RYR2: variants seen among roughly 807,000 people sequenced by gnomAD.
The protein encoded by RYR2 is cardiac muscle ryanodine receptor-calcium release channel.
A neutral mutation model predicts 601.1 loss-of-function variants in RYR2; 227 were observed. That is an observed-to-expected ratio of 0.38 (90% CI 0.34 to 0.42). The LOEUF is 0.42. RYR2 is among the 10% of genes least tolerant of loss of function. The probability of loss-of-function intolerance (pLI) is 1.00; values close to 1 mark genes in which losing one functional copy is unlikely to be tolerated. For synonymous variants in RYR2, 2,223 were observed against 2,175.1 expected (o/e 1.02, Z -0.61); for missense variants, 4,646 against 6,156.5 (o/e 0.75, Z 8.21).
Position 237,825,324 on chromosome 1 carries a change from C to A in RYR2, c.14591-3057C>A, listed in dbSNP as rs979928374. On this transcript the variant is annotated intron_variant, in intron 101 of 104. Transcript: ENST00000366574. ...ATTGGTATGAAAACAGATATATAGA[C>A]CAATGGAACAAAACAGAGGCCTCAG... Among the ~76,000 whole-genome samples, 70 of 152,178 alleles carry A rather than the reference C, an allele frequency of 4.6e-4. 1 individual carries two copies. Among genetic ancestry groups the A allele is most frequent in the Middle Eastern group, 3.4e-3 (1 of 294 alleles).
intron 32 of RYR2, among the ~76,000 whole-genome samples, chr1:237,593,216 A>G (rs371047763): frequency 2.0e-5 from 3 of 152,316 alleles, no homozygotes; most frequent in African/African-American, 7.2e-5. Context: ...GACTTAAATC[A>G]TTTAGCATGT....
intron 3 of RYR2, among the ~76,000 whole-genome samples, chr1:237,351,854 CAAAAAAAAAAA>C (rs33955032): frequency 4.9e-5 from 2 of 40,930 alleles, no homozygotes; most frequent in South Asian, 1.6e-3. Context: ...AAAGACCATG[CAAAAAAAAAAA>C]AAAAAAAAAA....
chr1:237,310,154 G>C (rs560686623), intron 2 of RYR2, among the ~76,000 whole-genome samples: 3 of 152,170 alleles, frequency 2.0e-5, no homozygotes, highest in Non-Finnish European at 4.4e-5. Flanking sequence ...CTGCCAGCAC[G>C]CTGTCACCTC....
chr1:237,640,336 C>T (rs1156520449), intron 46 of RYR2, among the ~76,000 whole-genome samples: 1 of 152,148 alleles, frequency 6.6e-6, no homozygotes. Flanking sequence ...ATTATATTTT[C>T]CCTGCAGAGA....
intron 5 of RYR2, among the ~76,000 whole-genome samples, chr1:237,368,588 T>C (rs533305679): frequency 5.3e-5 from 8 of 152,268 alleles, no homozygotes; most frequent in African/African-American, 1.7e-4. Context: ...TCTCTGTGTC[T>C]ACCCCAGACC....
intron 12 of RYR2, among the ~76,000 whole-genome samples, chr1:237,426,400 G>A (rs1287650864): frequency 6.6e-6 from 1 of 152,072 alleles, no homozygotes; most frequent in Admixed American, 6.6e-5. Context: ...CCTTGTCTCT[G>A]TAACTGGAAA....
intron 16 of RYR2, among the ~76,000 whole-genome samples, chr1:237,460,470 C>T (rs1480648547): frequency 6.6e-6 from 1 of 152,180 alleles, no homozygotes; most frequent in East Asian, 1.9e-4. Flanking sequence ...CTGAAGTGTC[C>T]ATCCCAAATG....
intron 1 of RYR2, among the ~76,000 whole-genome samples, chr1:237,250,628 C>T (rs2149271163): frequency 6.6e-6 from 1 of 152,272 alleles, no homozygotes; most frequent in Middle Eastern, 3.4e-3. Context: ...ACTGAGAAAA[C>T]AGAAGCAGTT....
chr1:237,327,522 T>C (rs1156324052), intron 2 of RYR2, among the ~76,000 whole-genome samples: 2 of 152,230 alleles, frequency 1.3e-5, no homozygotes, highest in African/African-American at 4.8e-5. Context: ...TATGAAGTTT[T>C]AAATGTTACC....
Position 237,651,509 on chromosome 1 carries a change from TA to T in RYR2, c.7824+9del. On this transcript the variant is annotated intron_variant, in intron 51 of 104. Coordinates refer to ENST00000366574, the MANE Select transcript of RYR2 (RefSeq NM_001035.3). ...GCAAAGATGCCTCTTAAAGTAAGTA[TA>T]GGAAATGTTTGTAGATATTTGATTA... 1 of 1,498,572 alleles carries T rather than the reference TA, an allele frequency of 6.7e-7. No homozygotes were observed. The highest frequency in any genetic ancestry group is 9.1e-7 in the Non-Finnish European group (1 of 1,094,504). The allele number at this position is 1,498,572 out of a possible 1,614,324, so 92.8% of individuals were successfully genotyped here.
Position 237,640,401 on chromosome 1 carries a change from G to A in RYR2, c.7116-496G>A, listed in dbSNP as rs551798644. ...GATTCTTTGGCAGGGGTTGCAGGAGGTTGAGTAGTTGGTACAGAGGTAGGT... is the reference window on the plus strand; with the variant it reads ...GATTCTTTGGCAGGGGTTGCAGGAGATTGAGTAGTTGGTACAGAGGTAGGT... On this transcript the variant is annotated intron_variant, in intron 46 of 104. Coordinates refer to ENST00000366574, the MANE Select transcript of RYR2 (RefSeq NM_001035.3). Among the ~76,000 whole-genome samples the A allele has an allele frequency of 7.2e-5, 11 of 152,338 alleles. No individual in the cohort carries two copies. In the East Asian group the frequency reaches 2.1e-3, roughly 29 times the overall value.
chr1:237,453,684 G>T (rs1413092979), intron 14 of RYR2, among the ~76,000 whole-genome samples: 1 of 151,922 alleles, frequency 6.6e-6, no homozygotes, highest in South Asian at 2.1e-4. Flanking sequence ...AAATACTTTT[G>T]ATCTGTAGAC....
intron 47 of RYR2, among the ~76,000 whole-genome samples, chr1:237,641,477 C>CTTTCTTTCTTTCTTTCTT (rs1553264955): frequency 1.5e-3 from 41 of 27,544 alleles, no homozygotes; most frequent in Non-Finnish European, 4.9e-3. Flanking sequence ...GTCTGTCTTT[C>CTTTCTTTCTTTCTTTCTT]TTTCTTTCTT....
chr1:237,561,513 G>C (rs1462338757), intron 27 of RYR2, among the ~76,000 whole-genome samples: 1 of 152,156 alleles, frequency 6.6e-6, no homozygotes, highest in East Asian at 1.9e-4. Flanking sequence ...AGAGATTAGT[G>C]TCAGAAAGGC....
intron 1 of RYR2, among the ~76,000 whole-genome samples, chr1:237,240,682 A>AAAAAAAAC (rs1558481224): frequency 6.7e-6 from 1 of 148,756 alleles, no homozygotes; most frequent in African/African-American, 2.5e-5. Flanking sequence ...AAAAAAAAAA[A>AAAAAAAAC]AAAAAAACAG....
At chr1:237,052,216 A>G (rs901337659) in intron 1 of RYR2, among the ~76,000 whole-genome samples, 2 of 152,182 alleles carry the variant, frequency 1.3e-5, no homozygotes, top group African/African-American at 4.8e-5. Flanking sequence ...CAGATGCTCA[A>G]ACAGTGAAAC....
chr1:237,227,316 T>C (rs1684477882), intron 1 of RYR2, among the ~76,000 whole-genome samples: 1 of 152,194 alleles, frequency 6.6e-6, no homozygotes, highest in African/African-American at 2.4e-5. Flanking sequence ...TCACAATGTG[T>C]ACATAGATGG....
intron 1 of RYR2, chr1:237,120,743 A>T (rs917892328): frequency 5.3e-5 from 8 of 152,250 alleles, no homozygotes; most frequent in African/African-American, 1.9e-4. Flanking sequence ...TTCCCCTGAC[A>T]TAGCTCTCTA....
At chr1:237,659,238 C>T (rs1683543163) in intron 54 of RYR2, among the ~76,000 whole-genome samples, 1 of 152,136 alleles carries the variant, frequency 6.6e-6, no homozygotes, top group Non-Finnish European at 1.5e-5. Context: ...TGATAAGTAT[C>T]TGGTTCTTCA....
Sources: allele counts gnomAD v4.1 joint callset (sites outside exome capture counted in the v4.1 genomes callset), GRCh38; gene constraint gnomAD v4.1.1; transcripts MANE v1.5; gene names NCBI Gene and HGNC (gene_info 2026-07-23, HGNC 2026-07-21).